JADE1: variants seen among roughly 807,000 people sequenced by gnomAD.
JADE1 encodes jade family PHD finger 1, also known as protein Jade-1.
JADE1 carries 14 observed loss-of-function variants against 81.8 expected under a neutral mutation model. The ratio of observed to expected loss-of-function variants is 0.17; its 90% CI spans 0.11 to 0.27. JADE1 has a LOEUF of 0.27. Among genes scored for constraint, JADE1 ranks in the 10% least tolerant of loss-of-function variants. The pLI is 1.00. For synonymous variants in JADE1, 353 were observed against 391.9 expected, an observed-to-expected ratio of 0.90 and a Z score of 1.17; for missense variants, 690 against 1,047.9, an observed-to-expected ratio of 0.66 and a Z score of 4.71.
chr4:128,842,357 T>C (rs1189991053), intron 2 of JADE1, among the ~76,000 whole-genome samples: 1 of 151,942 alleles, frequency 6.6e-6, no homozygotes, highest in African/African-American at 2.4e-5. Flanking sequence ...TGGAGTGCAG[T>C]GACGCAGTCT....
At position 128,848,539 on chromosome 4, in the gene JADE1, C is replaced by T. The variant is rs76919780; in HGVS notation, c.297-441C>T. ...TTTTTTTGTGAGGTGTGAGGGTTGG[C>T]GGGTTTCTCCCTCTGGTTCTCAGAG... On this transcript the variant is annotated intron_variant, in intron 4 of 10. Coordinates refer to ENST00000226319, the MANE Select transcript of JADE1 (RefSeq NM_199320.4). Among the ~76,000 whole-genome samples, 1,066 of 152,180 alleles carry T rather than the reference C, an allele frequency of 7.0e-3. 16 individuals are homozygous for T. The highest frequency in any genetic ancestry group is 0.02 in the African/African-American group (836 of 41,530).
intron 2 of JADE1, among the ~76,000 whole-genome samples, chr4:128,841,043 C>A (rs1201615032): frequency 6.6e-6 from 1 of 152,240 alleles, no homozygotes; most frequent in Non-Finnish European, 1.5e-5. Context: ...GAATCTATTT[C>A]TTAAGGTCCC....
chr4:128,863,111 TCTG>T, intron 9 of JADE1: 2 of 985,866 alleles, frequency 2.0e-6, no homozygotes. Flanking sequence ...GGCATTTCCT[TCTG>T]CTGTTTGCTG....
At chr4:128,810,414 A>T (rs1289110870) in intron 1 of JADE1, 1 of 142,734 alleles carries the variant, frequency 7.0e-6, no homozygotes, top group African/African-American at 2.6e-5. Flanking sequence ...CGCGTTTAGG[A>T]GCAGAAGCCC....
At chr4:128,869,227 T>C (rs1732006210) in intron 10 of JADE1, among the ~76,000 whole-genome samples, 1 of 152,222 alleles carries the variant, frequency 6.6e-6, no homozygotes. Context: ...GAATCAAGTG[T>C]ATATCATTAG....
chr4:128,858,065 C>T (rs1730945541), intron 8 of JADE1, among the ~76,000 whole-genome samples: 1 of 152,120 alleles, frequency 6.6e-6, no homozygotes, highest in African/African-American at 2.4e-5. Flanking sequence ...ATGTCTGATT[C>T]TTTATGGCAC....
In JADE1 at chr4:128,872,421, AT is replaced by A; in HGVS notation, c.*164del. The A allele has an allele frequency of 1.5e-6, 1 of 650,670 alleles. No homozygotes were observed. 40.3% of individuals were successfully genotyped at this position (650,670 alleles called of 1,614,324 possible). ...TTTTTTCCAGAGTCATTTTTAAATC[AT>A]TTTTGTGAGAAGTTTGTGTTATTTG... is the stretch of plus-strand genomic sequence containing the variant. On this transcript the variant is annotated 3_prime_UTR_variant, in exon 11 of 11. Coordinates refer to ENST00000226319, the MANE Select transcript of JADE1 (RefSeq NM_199320.4).
chr4:128,822,385 A>G (rs995269499), intron 1 of JADE1, among the ~76,000 whole-genome samples: 1 of 152,118 alleles, frequency 6.6e-6, no homozygotes, highest in African/African-American at 2.4e-5. Context: ...AAGTATCTTT[A>G]CTATTATAAG....
intron 2 of JADE1, among the ~76,000 whole-genome samples, chr4:128,836,548 C>T (rs373508195): frequency 6.6e-6 from 1 of 152,138 alleles, no homozygotes; most frequent in East Asian, 1.9e-4. Context: ...AGAAAATTCT[C>T]ACGTAAGTGA....
chr4:128,817,098 A>G (rs1302581848), intron 1 of JADE1, among the ~76,000 whole-genome samples: 1 of 152,034 alleles, frequency 6.6e-6, no homozygotes, highest in Admixed American at 6.5e-5. Flanking sequence ...ACCTCAAGTG[A>G]CCCACCTACC....
At chr4:128,829,937 G>A (rs981543820) in intron 1 of JADE1, among the ~76,000 whole-genome samples, 1 of 151,954 alleles carries the variant, frequency 6.6e-6, no homozygotes, top group African/African-American at 2.4e-5. Context: ...GAGTGCAGTG[G>A]TGTGATCTCC....
intron 2 of JADE1, 113 bp downstream of exon 2, chr4:128,831,923 C>A: frequency 1.1e-6 from 1 of 930,740 alleles, no homozygotes; most frequent in Non-Finnish European, 1.7e-6. Context: ...TCAGGCAGGT[C>A]AGAGAAAGCC....
At chr4:128,815,120 G>GCTCCCTGTAAGCTCCGC (rs1194819339) in intron 1 of JADE1, among the ~76,000 whole-genome samples, 69,231 of 112,356 alleles carry the variant, frequency 0.62, 25,282 homozygotes, top group South Asian at 0.75. Flanking sequence ...TGCGATCTCG[G>GCTCCCTGTAAGCTCCGC]CTCCCTGTAA....
At chr4:128,852,919 CTTT>C (rs59763506) in intron 6 of JADE1, among the ~76,000 whole-genome samples, 6 of 140,634 alleles carry the variant, frequency 4.3e-5, no homozygotes, top group Non-Finnish European at 4.7e-5. Flanking sequence ...TGGTGGTCTT[CTTT>C]TTTTTTTTTT....
At chr4:128,816,116 C>T (rs975737287) in intron 1 of JADE1, among the ~76,000 whole-genome samples, 1 of 151,708 alleles carries the variant, frequency 6.6e-6, no homozygotes, top group Non-Finnish European at 1.5e-5. Flanking sequence ...ATTCCTGAGA[C>T]AGGTAAGTTG....
At chr4:128,855,590 C>T in intron 6 of JADE1, 40 bp from the exon 7 acceptor site, 1 of 1,514,654 alleles carries the variant, frequency 6.6e-7, no homozygotes, top group Non-Finnish European at 8.9e-7. Flanking sequence ...AACATTTTCT[C>T]TTTCTCTCTA....
intron 1 of JADE1, among the ~76,000 whole-genome samples, chr4:128,812,470 C>T (rs1414861710): frequency 6.6e-6 from 1 of 152,036 alleles, no homozygotes; most frequent in Non-Finnish European, 1.5e-5. Flanking sequence ...GGATCCTTAG[C>T]CTTCTCACGT....
intron 1 of JADE1, among the ~76,000 whole-genome samples, chr4:128,816,040 T>A (rs996577071): frequency 6.8e-6 from 1 of 147,568 alleles, no homozygotes. Context: ...ACATGAAGGG[T>A]GGGTTTGCTT....
Position 128,862,012 on chromosome 4 carries a change from C to G in JADE1, c.1290C>G (p.Phe430Leu). Residue 430 changes from phenylalanine (F) to leucine (L), a missense_variant, in exon 9 of 11, where the codon TTC becomes TTG. Phe to Leu is a conservative substitution (Grantham distance 22). Transcript: ENST00000226319. ...AGTTGGAGGATGAGTTCTACACCTT[C>G]GTCAACCTGCTGGATGTTGCCAGGG... ...LQQLEDEFYTFVNLLDVARAL... is the reference protein window; with the variant it reads ...LQQLEDEFYTLVNLLDVARAL... 3.1e-6 allele frequency: 5 copies of G among 1,614,176 alleles called. No homozygotes were observed. Among genetic ancestry groups the G allele is most frequent in the Non-Finnish European group, 4.2e-6 (5 of 1,180,038 alleles).
Sources: allele counts gnomAD v4.1 joint callset (sites outside exome capture counted in the v4.1 genomes callset), GRCh38; gene constraint gnomAD v4.1.1; transcripts MANE v1.5; gene names NCBI Gene and HGNC (gene_info 2026-07-23, HGNC 2026-07-21).